The following GPM6A variants were observed in gnomAD, a reference collection of about 807,000 sequenced individuals.
GPM6A encodes glycoprotein M6A.
Under a neutral mutation model 32.1 loss-of-function variants are expected in GPM6A, and 7 were observed. The ratio of observed to expected loss-of-function variants is 0.22; its 90% CI spans 0.12 to 0.41. The LOEUF (loss-of-function observed/expected upper bound fraction) is 0.41, where lower values mean the gene tolerates loss of function less well. Ranked by LOEUF, GPM6A falls within the 10% of genes least tolerant of loss-of-function variation. The probability of loss-of-function intolerance (pLI) is 1.00; values close to 1 mark genes in which losing one functional copy is unlikely to be tolerated. For missense variants in GPM6A, 235 were observed against 347.2 expected, an observed-to-expected ratio of 0.68 and a Z score of 2.57; for synonymous variants, 130 against 123.4, an observed-to-expected ratio of 1.05 and a Z score of -0.35.
intron 1 of GPM6A, among the ~76,000 whole-genome samples, chr4:175,921,786 T>A (rs1325282857): frequency 6.6e-6 from 1 of 152,152 alleles, no homozygotes; most frequent in African/African-American, 2.4e-5. Flanking sequence ...TGGAGTGGAA[T>A]TTTACATTTA....
At chr4:175,961,446 G>A (rs191228389) in intron 1 of GPM6A, 1 of 152,312 alleles carries the variant, frequency 6.6e-6, no homozygotes, top group East Asian at 1.9e-4. Flanking sequence ...AAAAACTGGA[G>A]AGACAGATAA....
intron 1 of GPM6A, among the ~76,000 whole-genome samples, chr4:175,838,446 A>G (rs779074065): frequency 1.3e-5 from 2 of 150,874 alleles, no homozygotes; most frequent in Admixed American, 6.6e-5. Context: ...GAAAGCTGCA[A>G]CTTTTTTTCT....
intron 2 of GPM6A, among the ~76,000 whole-genome samples, chr4:175,687,097 C>A (rs1178383539): frequency 1.3e-5 from 2 of 152,142 alleles, no homozygotes; most frequent in East Asian, 3.9e-4. Context: ...TGCAATTTTG[C>A]AGGCTATATT....
intron 1 of GPM6A, among the ~76,000 whole-genome samples, chr4:175,865,536 A>C (rs1304443720): frequency 6.6e-6 from 1 of 152,176 alleles, no homozygotes; most frequent in Non-Finnish European, 1.5e-5. Flanking sequence ...ACATCTTAAC[A>C]ATATTGAGTT....
At chr4:175,958,714 T>C (rs1740068763) in intron 1 of GPM6A, among the ~76,000 whole-genome samples, 1 of 152,216 alleles carries the variant, frequency 6.6e-6, no homozygotes, top group African/African-American at 2.4e-5. Flanking sequence ...GGGTGTGATC[T>C]ACTCACATCT....
intron 1 of GPM6A, among the ~76,000 whole-genome samples, chr4:175,862,793 T>TCCA: frequency 6.6e-6 from 1 of 152,202 alleles, no homozygotes; most frequent in Non-Finnish European, 1.5e-5. Context: ...GGCAGGTATA[T>TCCA]CCAGTGAATA....
intron 4 of GPM6A, among the ~76,000 whole-genome samples, chr4:175,645,737 A>C (rs1231031653): frequency 6.6e-6 from 1 of 152,128 alleles, no homozygotes; most frequent in Non-Finnish European, 1.5e-5. Context: ...CAAACAAACA[A>C]ACAAAAATTG....
chr4:176,002,355 G>A (rs1371420214), upstream of GPM6A: 2 of 1,578,038 alleles, frequency 1.3e-6, no homozygotes, highest in East Asian at 2.3e-5. Flanking sequence ...AGGAGAGCGA[G>A]TGACCAGACG....
rs1740431744 is a variant in GPM6A, at chr4:175,633,834, A to G, written c.*1071T>C. ...CTGACCACACTTTATAAAACACTAC[A>G]GGTAAACCAACATAGATTGGAAGGC... On this transcript the variant is annotated 3_prime_UTR_variant, in exon 7 of 7. Transcript: ENST00000393658. 6.6e-6 allele frequency: 1 copy of G among 152,554 alleles called. No homozygotes were observed. Among genetic ancestry groups the G allele is most frequent in the East Asian group, 1.9e-4 (1 of 5,198 alleles). 9.5% of individuals were successfully genotyped at this position (152,554 alleles called of 1,614,324 possible). A position where few individuals can be genotyped will look rare whatever the true frequency, so the allele number is the denominator to read the frequency against.
chr4:175,838,137 A>G (rs1486437302), intron 1 of GPM6A, among the ~76,000 whole-genome samples: 2 of 142,950 alleles, frequency 1.4e-5, no homozygotes, highest in Non-Finnish European at 3.1e-5. Flanking sequence ...ACACACACAC[A>G]CACGCACCCC....
chr4:175,828,742 A>G (rs1448106705), intron 1 of GPM6A, among the ~76,000 whole-genome samples: 1 of 152,144 alleles, frequency 6.6e-6, no homozygotes, highest in Non-Finnish European at 1.5e-5. Flanking sequence ...GACTTATAGA[A>G]CCCATAGATC....
chr4:175,762,834 A>C (rs1732803582), intron 1 of GPM6A, among the ~76,000 whole-genome samples: 1 of 152,142 alleles, frequency 6.6e-6, no homozygotes. Flanking sequence ...AATAAGAAAC[A>C]AAATGGATTA....
At chr4:175,827,279 C>T (rs1463776) in intron 1 of GPM6A, among the ~76,000 whole-genome samples, 147,251 of 152,318 alleles carry the variant, frequency 0.97, 71,389 homozygotes, top group East Asian at 1. Context: ...TAAGACCACC[C>T]GATATAACTC....
At chr4:175,957,973 AC>A (rs1740042100) in intron 1 of GPM6A, among the ~76,000 whole-genome samples, 1 of 152,058 alleles carries the variant, frequency 6.6e-6, no homozygotes, top group Non-Finnish European at 1.5e-5. Context: ...GCTCACTGCA[AC>A]CTCCACTTCC....
chr4:176,001,860 C>G (rs1164236410), intron 1 of GPM6A, among the ~76,000 whole-genome samples: 1 of 152,226 alleles, frequency 6.6e-6, no homozygotes. Flanking sequence ...TGCCCCGTTT[C>G]AACTTGCTCC....
At chr4:175,767,631 A>G (rs1007945519) in intron 1 of GPM6A, among the ~76,000 whole-genome samples, 1 of 152,242 alleles carries the variant, frequency 6.6e-6, no homozygotes, top group African/African-American at 2.4e-5. Flanking sequence ...GCACCATCTA[A>G]TAAAATATGT....
intron 1 of GPM6A, among the ~76,000 whole-genome samples, chr4:175,725,643 C>G (rs916953858): frequency 1.3e-5 from 2 of 151,970 alleles, no homozygotes; most frequent in African/African-American, 4.8e-5. Flanking sequence ...ATTTTTGTTT[C>G]CCATCACATT....
At chr4:175,796,667 T>C (rs924854452) in intron 1 of GPM6A, among the ~76,000 whole-genome samples, 2 of 152,230 alleles carry the variant, frequency 1.3e-5, no homozygotes, top group African/African-American at 4.8e-5. Flanking sequence ...AATACTTTTA[T>C]GTTGTTTTAC....
chr4:175,726,141 C>T (rs1379532057), intron 1 of GPM6A, among the ~76,000 whole-genome samples: 1 of 146,694 alleles, frequency 6.8e-6, no homozygotes, highest in Admixed American at 7.1e-5. Context: ...TACAGGTGCC[C>T]ACCACCACGA....
Sources: gnomAD v4.1 joint callset for allele counts (sites outside exome capture counted in the v4.1 genomes callset) on GRCh38, gnomAD v4.1.1 for gene constraint, MANE v1.5 for transcripts, NCBI Gene and HGNC (gene_info 2026-07-23, HGNC 2026-07-21) for gene names.